The following CDH11 variants were observed in gnomAD, a reference collection of about 807,000 sequenced individuals.
CDH11 encodes the protein cadherin 11, also known as cadherin-11.
Under a neutral mutation model 67.8 loss-of-function variants are expected in CDH11, and 11 were observed. The ratio of observed to expected loss-of-function variants is 0.16; its 90% CI spans 0.10 to 0.27. The LOEUF (loss-of-function observed/expected upper bound fraction) is 0.27. CDH11 is among the 10% of genes least tolerant of loss of function. The probability of loss-of-function intolerance (pLI) is 1.00; values close to 1 mark genes in which losing one functional copy is unlikely to be tolerated. For synonymous variants in CDH11, 419 were observed against 400.0 expected, an observed-to-expected ratio of 1.05 and a Z score of -0.57; for missense variants, 847 against 1,031.2, an observed-to-expected ratio of 0.82 and a Z score of 2.45.
intron 7 of CDH11, among the ~76,000 whole-genome samples, chr16:64,984,402 T>A (rs2072432711): frequency 6.6e-6 from 1 of 152,188 alleles, no homozygotes; most frequent in Non-Finnish European, 1.5e-5. Context: ...ATTTAGACAT[T>A]TGCCTACAAT....
chr16:65,087,088 C>T (rs559176742), intron 1 of CDH11, among the ~76,000 whole-genome samples: 2 of 152,212 alleles, frequency 1.3e-5, no homozygotes, highest in African/African-American at 4.8e-5. Context: ...GAGCAGACTT[C>T]GGAGTTAGGT....
In CDH11 at chr16:65,026,516, C is replaced by G. The variant is rs557686987; in HGVS notation, c.-172-21475G>C. ...TTCAGCTAGCTCTTCTTCCACATAG[C>G]CACCACTCAAGAAATATTTTTGGAG... On this transcript the variant is annotated intron_variant, in intron 2 of 12. Transcript: ENST00000268603. Among the ~76,000 whole-genome samples, 5 of 152,250 alleles carry G rather than the reference C, an allele frequency of 3.3e-5. No homozygotes were observed. The South Asian group carries it at 1.0e-3, about 32-fold the overall frequency.
chr16:64,982,640 G>A, intron 7 of CDH11: 1 of 189,816 alleles, frequency 5.3e-6, no homozygotes. Flanking sequence ...AATACATTTG[G>A]TACCTCATTC....
chr16:64,989,084 C>T (rs902522718), intron 6 of CDH11, among the ~76,000 whole-genome samples: 7 of 151,832 alleles, frequency 4.6e-5, no homozygotes, highest in African/African-American at 1.5e-4. Context: ...TTAATGAGGC[C>T]GACTAAAGAG....
rs370874460 is a variant in CDH11 at position 65,112,027 on chromosome 16, G to A, written c.-298+9853C>T. ...GGAGGTTGCAATGAGCCAAGATTGC[G>A]CCACTGCACTCCAGCCTGGGCAACA... On this transcript the variant is annotated intron_variant, in intron 1 of 12. Coordinates refer to ENST00000268603, the MANE Select transcript of CDH11 (RefSeq NM_001797.4). Among the ~76,000 whole-genome samples, 63 of 139,840 alleles carry A rather than the reference G, an allele frequency of 4.5e-4. No homozygotes were observed. In the South Asian group the frequency reaches 6.8e-3, roughly 15 times the overall value. The allele number at this position is 139,840 out of a possible 152,430, so 91.7% of individuals were successfully genotyped here. A position where few individuals can be genotyped will look rare whatever the true frequency, so the allele number is the denominator to read the frequency against.
intron 2 of CDH11, among the ~76,000 whole-genome samples, chr16:65,052,725 T>G (rs1377241734): frequency 6.6e-6 from 1 of 152,180 alleles, no homozygotes; most frequent in African/African-American, 2.4e-5. Context: ...TGGATCACGT[T>G]GGAGCTGATA....
chr16:65,086,096 G>C lies in CDH11; in HGVS notation c.-297-32168C>G, dbSNP rs374850319. On this transcript the variant is annotated intron_variant, in intron 1 of 12. Coordinates refer to ENST00000268603, the MANE Select transcript of CDH11 (RefSeq NM_001797.4). ...GGTAGAACCATTCCCTGTTTCAAAG[G>C]CATCATTTGCCAATGGCATTGATTC... is the stretch of plus-strand genomic sequence containing the variant. Among the ~76,000 whole-genome samples the C allele has an allele frequency of 3.9e-5, 6 of 152,238 alleles. No homozygotes were observed. The South Asian group carries it at 6.2e-4, about 16-fold the overall frequency.
intron 11 of CDH11, among the ~76,000 whole-genome samples, chr16:64,969,210 T>C: frequency 6.6e-6 from 1 of 152,298 alleles, no homozygotes; most frequent in African/African-American, 2.4e-5. Flanking sequence ...GAACAATGTG[T>C]CTTAGTATAA....
Position 64,946,747 on chromosome 16 carries a change from C to T in CDH11, c.*856G>A, listed in dbSNP as rs1367327689. Reference sequence around the variant, plus strand: ...TAAATGGATCATTAGAAATACTTAACGTTTGTTTCAATGTTAAGAATCAAA... The same window carrying T: ...TAAATGGATCATTAGAAATACTTAATGTTTGTTTCAATGTTAAGAATCAAA... On this transcript the variant is annotated 3_prime_UTR_variant, in exon 13 of 13. Transcript: ENST00000268603. 1.1e-5 allele frequency: 10 copies of T among 904,988 alleles called. No homozygotes were observed. Among genetic ancestry groups the T allele is most frequent in the South Asian group, 5.3e-5 (1 of 19,044 alleles). 56.1% of individuals were successfully genotyped at this position (904,988 alleles called of 1,614,324 possible). A position where few individuals can be genotyped will look rare whatever the true frequency, so the allele number is the denominator to read the frequency against.
At chr16:65,000,318 C>G (rs2072888023) in intron 3 of CDH11, among the ~76,000 whole-genome samples, 1 of 152,170 alleles carries the variant, frequency 6.6e-6, no homozygotes, top group South Asian at 2.1e-4. Flanking sequence ...ATCTCAATTT[C>G]TGCAGCTGTC....
chr16:65,040,307 A>T (rs1333488502), intron 2 of CDH11, among the ~76,000 whole-genome samples: 1 of 152,236 alleles, frequency 6.6e-6, no homozygotes, highest in Non-Finnish European at 1.5e-5. Flanking sequence ...AACCAACCCA[A>T]ATGTCCAACA....
chr16:64,964,751 T>C (rs1294406032), intron 11 of CDH11, among the ~76,000 whole-genome samples: 4 of 152,000 alleles, frequency 2.6e-5, no homozygotes, highest in Non-Finnish European at 4.4e-5. Context: ...GGTTTCATCA[T>C]GTTAGCCAGG....
At chr16:65,123,116 G>A (rs2075363604), upstream of CDH11, among the ~76,000 whole-genome samples, 1 of 152,150 alleles carries the variant, frequency 6.6e-6, no homozygotes, top group South Asian at 2.1e-4. Flanking sequence ...CAGGGCCGGG[G>A]CTTAGGAATC....
chr16:65,062,997 A>G (rs761402391), intron 1 of CDH11, among the ~76,000 whole-genome samples: 1 of 152,206 alleles, frequency 6.6e-6, no homozygotes, highest in Non-Finnish European at 1.5e-5. Flanking sequence ...CAGGGTCGGC[A>G]GGGGAATCAG....
rs902504481 is a variant in CDH11, at chr16:64,945,953, G to A, written c.*1650C>T. 1.9e-6 allele frequency: 2 copies of A among 1,057,844 alleles called. No individual in the cohort carries two copies. Among genetic ancestry groups the A allele is most frequent in the African/African-American group, 3.3e-5 (2 of 60,612 alleles). The allele number at this position is 1,057,844 out of a possible 1,614,324, so 65.5% of individuals were successfully genotyped here. ...GTGACTTTATGTGGTCTTTCCCCAA[G>A]TATTGCTACGTTTTGACCTTTGGCC... On this transcript the variant is annotated 3_prime_UTR_variant, in exon 13 of 13. Transcript: ENST00000268603.
chr16:64,966,201 A>G (rs909677605), intron 11 of CDH11, among the ~76,000 whole-genome samples: 2 of 152,126 alleles, frequency 1.3e-5, no homozygotes, highest in African/African-American at 4.8e-5. Context: ...AAAATGAAGA[A>G]AACTACAATG....
intron 11 of CDH11, among the ~76,000 whole-genome samples, chr16:64,969,865 A>G (rs1255884072): frequency 6.6e-6 from 1 of 152,114 alleles, no homozygotes; most frequent in Non-Finnish European, 1.5e-5. Flanking sequence ...TGTATTACAT[A>G]TGTGTGTCCC....
At chr16:65,096,524 C>CATATATGTAT (rs1160700453) in intron 1 of CDH11, among the ~76,000 whole-genome samples, 2 of 143,416 alleles carry the variant, frequency 1.4e-5, no homozygotes, top group Non-Finnish European at 3.0e-5. Context: ...CATATTTGTA[C>CATATATGTAT]ATATATGTAT....
chr16:64,958,864 A>T (rs957562977), intron 11 of CDH11, among the ~76,000 whole-genome samples: 1 of 152,184 alleles, frequency 6.6e-6, no homozygotes, highest in African/African-American at 2.4e-5. Context: ...AGACCCACAA[A>T]CAATCAGGGG....
Sources: allele counts gnomAD v4.1 joint callset (sites outside exome capture counted in the v4.1 genomes callset), GRCh38; gene constraint gnomAD v4.1.1; transcripts MANE v1.5; gene names NCBI Gene and HGNC (gene_info 2026-07-23, HGNC 2026-07-21).